PIK3C2G: variants seen among roughly 807,000 people sequenced by gnomAD.
PIK3C2G encodes the protein phosphatidylinositol 3-kinase C2 domain-containing subunit gamma.
Under a neutral mutation model 181.1 loss-of-function variants are expected in PIK3C2G, and 168 were observed. The ratio of observed to expected loss-of-function variants is 0.93; its 90% confidence interval spans 0.82 to 1.05. PIK3C2G has a LOEUF of 1.05. PIK3C2G is among the 50% of genes least tolerant of loss of function. The pLI is 0.00. For synonymous variants in PIK3C2G, 573 were observed against 592.2 expected (o/e 0.97, Z 0.47); for missense variants, 1,869 against 1,732.8 (o/e 1.08, Z -1.40).
At chr12:18,303,057 G>A (rs1027770221) in intron 5 of PIK3C2G, among the ~76,000 whole-genome samples, 3 of 151,234 alleles carry the variant, frequency 2.0e-5, no homozygotes, top group African/African-American at 7.3e-5. Context: ...GTGGTAGATG[G>A]GCCTAACCTA....
the PIK3C2G span, among the ~76,000 whole-genome samples, chr12:18,655,321 G>A: frequency 1.3e-5 from 2 of 152,214 alleles, no homozygotes; most frequent in African/African-American, 4.8e-5. Flanking sequence ...GTTCCCAATG[G>A]CCAAAGCTGG....
intron 18 of PIK3C2G, among the ~76,000 whole-genome samples, chr12:18,472,478 T>C (rs551317870): frequency 6.6e-6 from 1 of 152,122 alleles, no homozygotes; most frequent in Non-Finnish European, 1.5e-5. Flanking sequence ...CCAACTATAA[T>C]GTAAGCTCTG....
the PIK3C2G span, among the ~76,000 whole-genome samples, chr12:18,724,818 TC>T: frequency 2.0e-5 from 3 of 152,094 alleles, no homozygotes; most frequent in Non-Finnish European, 2.9e-5. Context: ...GTGCCCGTAA[TC>T]CCTGAAAATT....
Position 18,621,535 on chromosome 12 carries a change from GTT to G in PIK3C2G, c.4182+11909_4182+11910del, listed in dbSNP as rs200080244. Among the ~76,000 whole-genome samples the G allele has an allele frequency of 7.1e-3, 1,068 of 151,410 alleles. 7 individuals are homozygous for G. The highest frequency in any genetic ancestry group is 9.8e-3 in the African/African-American group (403 of 41,272). On this transcript the variant is annotated intron_variant, in intron 31 of 32. Coordinates refer to ENST00000538779, the MANE Select transcript of PIK3C2G (RefSeq NM_001288772.2). ...GTCAAAGATTAAATATGTATAACATGTTTTATATATATATGTTATTAACATAC... is the reference window on the plus strand; with the variant it reads ...GTCAAAGATTAAATATGTATAACATGTTATATATATATGTTATTAACATAC...
intron 29 of PIK3C2G, among the ~76,000 whole-genome samples, chr12:18,576,610 T>C (rs16914300): frequency 0.15 from 23,564 of 152,228 alleles, 2,130 homozygotes; most frequent in East Asian, 0.25. Context: ...GAAAGCAAGA[T>C]ATTGTATGTG....
intron 9 of PIK3C2G, among the ~76,000 whole-genome samples, chr12:18,339,821 G>T (rs1182507627): frequency 6.6e-6 from 1 of 152,046 alleles, no homozygotes; most frequent in Non-Finnish European, 1.5e-5. Context: ...TGACAATGAA[G>T]ATTTTGATGA....
chr12:18,563,391 G>T lies in PIK3C2G; in HGVS notation c.3795G>T (p.Gln1265His). 6.2e-7 allele frequency: 1 copy of T among 1,612,182 alleles called. No homozygotes were observed. The highest frequency in any genetic ancestry group is 8.5e-7 in the Non-Finnish European group (1 of 1,178,996). ...ACTTTCTGCAGCTGTATCTGATCCA[G>T]GTGACACACAGCAACAACGAAACAA... is the stretch of plus-strand genomic sequence containing the variant. ...SKKSSNLYLIQVTHSNNETSL... is the reference protein window; with the variant it reads ...SKKSSNLYLIHVTHSNNETSL... Residue 1265 changes from glutamine (Q) to histidine (H), a missense_variant, in exon 28 of 33, where the codon CAG becomes CAT. Physicochemically the swap from Gln to His is conservative, Grantham distance 24 (BLOSUM62 0). Coordinates refer to ENST00000538779, the MANE Select transcript of PIK3C2G (RefSeq NM_001288772.2).
chr12:18,561,228 G>A (rs1050227118), intron 26 of PIK3C2G, among the ~76,000 whole-genome samples: 2 of 152,218 alleles, frequency 1.3e-5, no homozygotes, highest in Non-Finnish European at 2.9e-5. Context: ...AAACTGCAAA[G>A]TGTGTTTAGT....
chr12:18,309,156 A>T (rs2137365545), intron 5 of PIK3C2G, among the ~76,000 whole-genome samples: 1 of 151,852 alleles, frequency 6.6e-6, no homozygotes, highest in African/African-American at 2.4e-5. Context: ...AATACTTTTC[A>T]CACTAGGCTA....
At chr12:18,508,018 C>A (rs116223957) in intron 24 of PIK3C2G, among the ~76,000 whole-genome samples, 1 of 152,142 alleles carries the variant, frequency 6.6e-6, no homozygotes, top group South Asian at 2.1e-4. Context: ...CACTCATAAT[C>A]GGTTCTTAAT....
chr12:18,500,191 C>A (rs1941324478), intron 22 of PIK3C2G, among the ~76,000 whole-genome samples: 1 of 152,144 alleles, frequency 6.6e-6, no homozygotes. Flanking sequence ...TGCTTGCCGG[C>A]CGGCTGGAGT....
At chr12:18,521,080 C>T (rs1409277938) in intron 24 of PIK3C2G, among the ~76,000 whole-genome samples, 2 of 152,054 alleles carry the variant, frequency 1.3e-5, no homozygotes, top group Non-Finnish European at 2.9e-5. Context: ...GTGGAGATGT[C>T]ACTCGAGAAG....
chr12:18,561,301 C>G (rs566230559), intron 26 of PIK3C2G, among the ~76,000 whole-genome samples: 2 of 152,046 alleles, frequency 1.3e-5, no homozygotes, highest in Non-Finnish European at 2.9e-5. Flanking sequence ...ACTATACAAT[C>G]GTAGGTCAAT....
chr12:18,677,566 A>G, the PIK3C2G span, among the ~76,000 whole-genome samples: 58,463 of 151,928 alleles, frequency 0.38, 13,974 homozygotes, highest in South Asian at 0.59. Context: ...TCACTGGCTG[A>G]GGACCTAATG....
At chr12:18,713,350 G>A in the PIK3C2G span, among the ~76,000 whole-genome samples, 1 of 152,056 alleles carries the variant, frequency 6.6e-6, no homozygotes, top group Non-Finnish European at 1.5e-5. Flanking sequence ...GGCATTTACT[G>A]TTCAATGCCA....
intron 16 of PIK3C2G, among the ~76,000 whole-genome samples, chr12:18,416,286 G>C (rs1945173414): frequency 6.6e-6 from 1 of 151,610 alleles, no homozygotes; most frequent in African/African-American, 2.4e-5. Context: ...AAGGAAGAAA[G>C]CAAGCAAGCC....
the PIK3C2G span, chr12:18,693,361 G>A: frequency 1.1e-5 from 18 of 1,600,242 alleles, no homozygotes; most frequent in East Asian, 2.2e-5. Flanking sequence ...AACCAAATTC[G>A]GGAAATTAAG....
chr12:18,272,161 T>G (rs867751748), intron 1 of PIK3C2G, among the ~76,000 whole-genome samples: 1 of 152,202 alleles, frequency 6.6e-6, no homozygotes, highest in South Asian at 2.1e-4. Flanking sequence ...TATTTTTAAG[T>G]ATTTTTTAAT....
chr12:18,506,787 A>G (rs1466074803), intron 24 of PIK3C2G, among the ~76,000 whole-genome samples: 1 of 152,188 alleles, frequency 6.6e-6, no homozygotes, highest in Non-Finnish European at 1.5e-5. Context: ...GGATCAAGCC[A>G]TTCCAAAGAC....
Sources: allele counts gnomAD v4.1 joint callset (sites outside exome capture counted in the v4.1 genomes callset), GRCh38; gene constraint gnomAD v4.1.1; transcripts MANE v1.5; gene names NCBI Gene and HGNC (gene_info 2026-07-23, HGNC 2026-07-21).